PINLYP: variants seen among roughly 807,000 people sequenced by gnomAD.
PINLYP encodes the protein phospholipase A2 inhibitor and LY6/PLAUR domain containing.
Under a neutral mutation model 15.8 loss-of-function variants are expected in PINLYP, and 12 were observed. The ratio of observed to expected loss-of-function variants is 0.76; its 90% CI spans 0.49 to 1.23. The LOEUF (loss-of-function observed/expected upper bound fraction) is 1.23, where lower values mean the gene tolerates loss of function less well. Ranked by LOEUF, PINLYP falls within the 50% of genes most tolerant of loss-of-function variation. The probability of loss-of-function intolerance (pLI) is 0.00; values close to 1 mark genes in which losing one functional copy is unlikely to be tolerated. For missense variants in PINLYP, 278 were observed against 264.2 expected (o/e 1.05, Z -0.36); for synonymous variants, 93 against 97.7 (o/e 0.95, Z 0.28).
chr19:43,575,515 G>A, upstream of PINLYP: 3 of 1,576,988 alleles, frequency 1.9e-6, no homozygotes, highest in Non-Finnish European at 2.6e-6. Flanking sequence ...GGGGTCCGAG[G>A]GGCAGGGAGA....
Position 43,581,855 on chromosome 19 carries a change from A to G in PINLYP, c.482-13A>G. 1 of 1,536,550 alleles carries G rather than the reference A, an allele frequency of 6.5e-7. No individual in the cohort carries two copies. Among genetic ancestry groups the G allele is most frequent in the Non-Finnish European group, 8.7e-7 (1 of 1,146,958 alleles). On this transcript the variant is annotated splice_polypyrimidine_tract_variant and intron_variant, in intron 5 of 5. Coordinates refer to ENST00000599207, the Ensembl canonical transcript of PINLYP. ...CTGAGGTCCCTGATTCCAGTCTGAA[A>G]TCTCCCTTTCAGGTATTTTCAAACC...
upstream of PINLYP, chr19:43,575,538 G>A: frequency 3.4e-6 from 5 of 1,465,662 alleles, no homozygotes; most frequent in South Asian, 4.8e-5. Context: ...GGGAGGGGGC[G>A]GGGTGCGCCC....
intron 2 of PINLYP, among the ~76,000 whole-genome samples, chr19:43,578,092 A>C (rs1600065883): frequency 6.6e-6 from 1 of 151,966 alleles, no homozygotes; most frequent in African/African-American, 2.4e-5. Flanking sequence ...CTCAGAACCA[A>C]GAAGTTCAAG....
intron 3 of PINLYP, chr19:43,580,529 A>G: frequency 1.0e-6 from 1 of 982,320 alleles, no homozygotes; most frequent in Non-Finnish European, 1.2e-6. Context: ...GGAGTTGAGG[A>G]GGCTGGAAGA....
Position 43,581,544 on chromosome 19 carries a change from A to T in PINLYP, c.341-19A>T. 6.5e-7 allele frequency: 1 copy of T among 1,531,394 alleles called. No individual in the cohort carries two copies. Among genetic ancestry groups the T allele is most frequent in the Non-Finnish European group, 8.7e-7 (1 of 1,144,354 alleles). The allele number at this position is 1,531,394 out of a possible 1,614,324, so 94.9% of individuals were successfully genotyped here. ...GCTTAAACATCCCTATTCACCTTAC[A>T]CTTCATCCTCATCCTCAGTTCCCTT... On this transcript the variant is annotated intron_variant, in intron 4 of 5. Transcript: ENST00000599207.
chr19:43,575,556 G>C, upstream of PINLYP: 1 of 1,348,976 alleles, frequency 7.4e-7, no homozygotes, highest in Non-Finnish European at 1.0e-6. Flanking sequence ...CCCTGCGCTG[G>C]CTAAAGTGCG....
Position 43,581,555 on chromosome 19 carries a change from A to G in PINLYP, c.341-8A>G, listed in dbSNP as rs756909786. 6.5e-7 allele frequency: 1 copy of G among 1,533,630 alleles called. No homozygotes were observed. The highest frequency in any genetic ancestry group is 1.2e-5 in the South Asian group (1 of 83,678). On this transcript the variant is annotated splice_region_variant and splice_polypyrimidine_tract_variant and intron_variant, in intron 4 of 5. Coordinates refer to ENST00000599207, the Ensembl canonical transcript of PINLYP. ...CCTATTCACCTTACACTTCATCCTC[A>G]TCCTCAGTTCCCTTGACCAATCTTA...
Position 43,582,039 on chromosome 19 carries a change from G to A in PINLYP, c.*38G>A, listed in dbSNP as rs778016172. The A allele has an allele frequency of 1.5e-5, 23 of 1,533,262 alleles. 1 individual carries two copies. In the South Asian group the frequency reaches 2.7e-4, roughly 18 times the overall value. 95.0% of individuals were successfully genotyped at this position (1,533,262 alleles called of 1,614,324 possible). Reference sequence around the variant, plus strand: ...ACAGAGGAAGATAATGTAGTGTGAAGTCCCCATTTGTCCTCAGCCTGTAAC... The same window carrying A: ...ACAGAGGAAGATAATGTAGTGTGAAATCCCCATTTGTCCTCAGCCTGTAAC... On this transcript the variant is annotated 3_prime_UTR_variant, in exon 6 of 6. Transcript: ENST00000599207.
At chr19:43,575,547 CCTGCGCTGG>C, upstream of PINLYP, 1 of 1,435,996 alleles carries the variant, frequency 7.0e-7, no homozygotes, top group Non-Finnish European at 9.5e-7. Context: ...CGGGGTGCGC[CCTGCGCTGG>C]CTAAAGTGCG....
chr19:43,580,403 G>GAGAC (rs760662830), intron 3 of PINLYP: 39 of 435,938 alleles, frequency 8.9e-5, no homozygotes, highest in Non-Finnish European at 1.1e-4. Context: ...GGGGCAGCAA[G>GAGAC]AGACCCTCGT....
At chr19:43,578,801 A>C in intron 3 of PINLYP, 95 bp downstream of exon 3, 1 of 907,124 alleles carries the variant, frequency 1.1e-6, no homozygotes, top group Non-Finnish European at 1.7e-6. Context: ...CATGGTTCTC[A>C]AGACGGGAGC....
chr19:43,575,815 T>C, exon 1 of PINLYP: 1 of 230,512 alleles, frequency 4.3e-6, no homozygotes, highest in Non-Finnish European at 8.4e-6. Flanking sequence ...CTGGAAGAAA[T>C]TCGCCTTTCT....
chr19:43,581,215 G>A (rs1168792766), exon 4 of PINLYP: 1 of 1,536,860 alleles, frequency 6.5e-7, no homozygotes, highest in South Asian at 1.2e-5. Flanking sequence ...CCCACAGAGG[G>A]CAAGGAGTTG....
At chr19:43,581,036 A>T in intron 3 of PINLYP, 176 bp from the exon 4 acceptor site, 1 of 754,494 alleles carries the variant, frequency 1.3e-6, no homozygotes, top group Non-Finnish European at 2.0e-6. Context: ...GCGCCATTGC[A>T]CTCCAGCCTG....
chr19:43,576,911 C>T (rs1230923017), exon 1 of PINLYP: 3 of 476,922 alleles, frequency 6.3e-6, no homozygotes, highest in South Asian at 3.3e-5. Context: ...AACAATGGGC[C>T]GTGGGAAGGT....
chr19:43,577,526 T>C (rs1361254911), intron 2 of PINLYP, among the ~76,000 whole-genome samples: 2 of 149,880 alleles, frequency 1.3e-5, no homozygotes, highest in Admixed American at 1.3e-4. Flanking sequence ...CCAGGAAGGA[T>C]CCCAAACACA....
chr19:43,581,676 G>C (rs1436311848), exon 5 of PINLYP: 9 of 1,536,264 alleles, frequency 5.9e-6, no homozygotes, highest in Admixed American at 2.0e-5. Flanking sequence ...AAACCACTGC[G>C]TCTCCTTATC....
chr19:43,576,940 CT>C, intron 1 of PINLYP, 21 bp downstream of exon 1: 1 of 535,530 alleles, frequency 1.9e-6, no homozygotes, highest in South Asian at 3.0e-5. Flanking sequence ...AGGGTGGTGA[CT>C]TTCTGGGTTC....
intron 3 of PINLYP, among the ~76,000 whole-genome samples, chr19:43,579,363 A>T (rs988360498): frequency 6.6e-6 from 1 of 151,898 alleles, no homozygotes; most frequent in African/African-American, 2.4e-5. Context: ...CTCCTGCCTC[A>T]GCCTCCCGAG....
Sources: allele counts gnomAD v4.1 joint callset (sites outside exome capture counted in the v4.1 genomes callset), GRCh38; gene constraint gnomAD v4.1.1; transcripts MANE v1.5; gene names NCBI Gene and HGNC (gene_info 2026-07-23, HGNC 2026-07-21).